The following UBAC2 variants were observed in gnomAD, a reference collection of about 807,000 sequenced individuals.
The protein encoded by UBAC2 is UBA domain containing 2, also known as ubiquitin-associated domain-containing protein 2.
In UBAC2, 26 loss-of-function variants were observed where a neutral mutation model predicts 44.0. The ratio of observed to expected loss-of-function variants is 0.59; its 90% confidence interval spans 0.43 to 0.82. UBAC2 has a LOEUF of 0.82. Ranked by LOEUF, UBAC2 falls within the 40% of genes least tolerant of loss-of-function variation. The pLI is 0.00. For missense variants in UBAC2, 329 were observed against 419.4 expected (o/e 0.78, Z 1.88); for synonymous variants, 155 against 154.3 (o/e 1.00, Z -0.04).
intron 6 of UBAC2, among the ~76,000 whole-genome samples, chr13:99,331,280 T>A (rs1418682928): frequency 6.6e-6 from 1 of 152,228 alleles, no homozygotes; most frequent in Non-Finnish European, 1.5e-5. Flanking sequence ...TGTTTGGAGC[T>A]TTTTAAATAT....
chr13:99,358,969 C>T (rs2045227712), intron 7 of UBAC2, among the ~76,000 whole-genome samples: 1 of 152,126 alleles, frequency 6.6e-6, no homozygotes, highest in African/African-American at 2.4e-5. Flanking sequence ...GTTTGGGAGT[C>T]TCTACCCCAT....
intron 6 of UBAC2, among the ~76,000 whole-genome samples, chr13:99,329,079 G>A (rs976777556): frequency 6.6e-6 from 1 of 152,178 alleles, no homozygotes; most frequent in Non-Finnish European, 1.5e-5. Flanking sequence ...CTCATTGCAT[G>A]ACCTTGGCAC....
chr13:99,355,008 G>A lies in UBAC2; in HGVS notation c.808-12779G>A, dbSNP rs115896962. ...TGGACATCCGCCTGCCACGGTGAAC[G>A]CAGATAGGCAAGTGCGGGAATGAGA... On this transcript the variant is annotated intron_variant, in intron 7 of 8. Coordinates refer to ENST00000403766, the MANE Select transcript of UBAC2 (RefSeq NM_001144072.2). 1.5e-3 allele frequency among the ~76,000 whole-genome samples: 226 copies of A among 151,786 alleles called. 4 individuals carry two copies. The highest frequency in any genetic ancestry group is 5.1e-3 in the African/African-American group (210 of 41,068).
intron 2 of UBAC2, among the ~76,000 whole-genome samples, chr13:99,241,269 A>G (rs1341584611): frequency 6.1e-5 from 9 of 148,428 alleles, no homozygotes; most frequent in African/African-American, 2.0e-4. Context: ...TGTCTCAAAA[A>G]AAAAAAAAAA....
chr13:99,263,178 T>C (rs2043692797), intron 4 of UBAC2, among the ~76,000 whole-genome samples: 2 of 152,214 alleles, frequency 1.3e-5, no homozygotes, highest in African/African-American at 4.8e-5. Flanking sequence ...TCATCATAAA[T>C]GGTAATTTGA....
At chr13:99,219,296 G>A (rs1336838192) in intron 1 of UBAC2, among the ~76,000 whole-genome samples, 2 of 152,126 alleles carry the variant, frequency 1.3e-5, no homozygotes, top group Admixed American at 6.5e-5. Context: ...CAAGGCCTGT[G>A]GTTAGTGTCT....
At chr13:99,232,405 G>GAT (rs145868043) in intron 1 of UBAC2, among the ~76,000 whole-genome samples, 3,168 of 117,846 alleles carry the variant, frequency 0.027, 187 homozygotes, top group African/African-American at 0.077. Flanking sequence ...GAGAGATATA[G>GAT]ATATATATAT....
In UBAC2 at chr13:99,367,809, G is replaced by A. The variant is rs747969657; in HGVS notation, c.830G>A (p.Arg277His). 6 of 1,613,920 alleles carry A rather than the reference G, an allele frequency of 3.7e-6. No individual in the cohort carries two copies. Among genetic ancestry groups the A allele is most frequent in the Admixed American group, 3.3e-5 (2 of 60,002 alleles). Residue 277 changes from arginine to histidine, a missense_variant, in exon 8 of 9, where the codon CGT becomes CAT. By Grantham distance (29) the Arg-to-His change is conservative (BLOSUM62 0). Transcript: ENST00000403766. ...TAGGGAGGAATGATCAATTGGAATCGTCTTTTTCCTCCTTTACGTCAGCGA... is the reference window on the plus strand; with the variant it reads ...TAGGGAGGAATGATCAATTGGAATCATCTTTTTCCTCCTTTACGTCAGCGA... ...QQQGGMINWN[R>H]LFPPLRQRQN...
chr13:99,294,586 T>G (rs1013774594), intron 4 of UBAC2: 1 of 153,092 alleles, frequency 6.5e-6, no homozygotes, highest in Admixed American at 6.5e-5. Flanking sequence ...TAACAAAGTT[T>G]TATGACCCAG....
Position 99,314,224 on chromosome 13 carries a change from C to G in UBAC2, c.513+4C>G. 1 of 1,507,162 alleles carries G rather than the reference C, an allele frequency of 6.6e-7. No individual in the cohort carries two copies. Among genetic ancestry groups the G allele is most frequent in the Non-Finnish European group, 9.0e-7 (1 of 1,105,536 alleles). 93.4% of individuals were successfully genotyped at this position (1,507,162 alleles called of 1,614,324 possible). On this transcript the variant is annotated splice_donor_region_variant and intron_variant, in intron 5 of 8. Coordinates refer to ENST00000403766, the MANE Select transcript of UBAC2 (RefSeq NM_001144072.2). ...GATTTATATATTGGGACTGCAGGTA[C>G]AGTATGCATTTTTATGTTCACTTTT... is the stretch of plus-strand genomic sequence containing the variant.
At chr13:99,212,984 A>G (rs2042950930) in intron 1 of UBAC2, among the ~76,000 whole-genome samples, 2 of 152,244 alleles carry the variant, frequency 1.3e-5, no homozygotes, top group African/African-American at 4.8e-5. Context: ...TTAGTCCCAC[A>G]TAATGATTCC....
intron 1 of UBAC2, among the ~76,000 whole-genome samples, chr13:99,216,540 G>A (rs983473321): frequency 2.6e-5 from 4 of 152,178 alleles, no homozygotes; most frequent in African/African-American, 9.7e-5. Flanking sequence ...ATTAATAACA[G>A]GATCAGGGCA....
rs538186904 is a variant in UBAC2 at position 99,255,542 on chromosome 13, G to A, written c.389+10918G>A. ...CTGTCAGCACTAATAAAGGCAAGAA[G>A]CCATAAAGCAATGCTTGGGTAAAAC... On this transcript the variant is annotated intron_variant, in intron 4 of 8. Coordinates refer to ENST00000403766, the MANE Select transcript of UBAC2 (RefSeq NM_001144072.2). 1.2e-5 allele frequency: 20 copies of A among 1,614,178 alleles called. No homozygotes were observed. In the Admixed American group the frequency reaches 1.3e-4, roughly 11 times the overall value.
chr13:99,360,610 C>T (rs1453164540), intron 7 of UBAC2, among the ~76,000 whole-genome samples: 2 of 152,110 alleles, frequency 1.3e-5, no homozygotes, highest in Non-Finnish European at 2.9e-5. Context: ...CGGTATAAAC[C>T]CACTTAGGCC....
chr13:99,360,871 G>A (rs987701743), intron 7 of UBAC2, among the ~76,000 whole-genome samples: 4 of 152,022 alleles, frequency 2.6e-5, no homozygotes, highest in African/African-American at 4.8e-5. Context: ...GCCTTCCCCC[G>A]AGGAGATGGG....
intron 4 of UBAC2, chr13:99,296,306 T>A: frequency 1.8e-6 from 1 of 547,320 alleles, no homozygotes; most frequent in East Asian, 3.2e-5. Context: ...TTTCATGACA[T>A]GCAATTTTTA....
intron 4 of UBAC2, among the ~76,000 whole-genome samples, chr13:99,303,905 C>T (rs893695056): frequency 3.3e-5 from 5 of 152,184 alleles, no homozygotes; most frequent in Non-Finnish European, 5.9e-5. Flanking sequence ...TCCGTGTTCT[C>T]CCTCACCTGC....
rs907727298 is a variant in UBAC2, at chr13:99,318,199, C to T, written c.561+130C>T. 12 of 922,490 alleles carry T rather than the reference C, an allele frequency of 1.3e-5. No homozygotes were observed. In the South Asian group the frequency reaches 1.6e-4, roughly 12 times the overall value. 57.1% of individuals were successfully genotyped at this position (922,490 alleles called of 1,614,324 possible). A position where few individuals can be genotyped will look rare whatever the true frequency, so the allele number is the denominator to read the frequency against. On this transcript the variant is annotated intron_variant, in intron 6 of 8. Transcript: ENST00000403766. ...TCTTTTTTTTTGAGACAGAATTTCA[C>T]TCTTGTTGCCCAGGCTGGAGTGCAA... is the stretch of plus-strand genomic sequence containing the variant.
At chr13:99,250,205 A>T (rs765762575) in intron 4 of UBAC2, among the ~76,000 whole-genome samples, 1 of 152,184 alleles carries the variant, frequency 6.6e-6, no homozygotes, top group Non-Finnish European at 1.5e-5. Flanking sequence ...TCTTACATTT[A>T]TATCTTTAAT....
Sources: gnomAD v4.1 joint callset for allele counts (sites outside exome capture counted in the v4.1 genomes callset) on GRCh38, gnomAD v4.1.1 for gene constraint, MANE v1.5 for transcripts, NCBI Gene and HGNC (gene_info 2026-07-23, HGNC 2026-07-21) for gene names.